Variants in AKAP17A observed in about 807,000 individuals in gnomAD.
The protein encoded by AKAP17A is A-kinase anchor protein 17A.
In AKAP17A, 15 loss-of-function variants were observed where a neutral mutation model predicts 52.2. The observed-to-expected ratio is 0.29, with a 90% CI of 0.19 to 0.44. The LOEUF is 0.44. Ranked by LOEUF, AKAP17A falls within the 20% of genes least tolerant of loss-of-function variation. The pLI is 1.00. For synonymous variants in AKAP17A, 514 were observed against 424.7 expected, an observed-to-expected ratio of 1.21 and a Z score of -2.58; for missense variants, 1,060 against 1,007.0, an observed-to-expected ratio of 1.05 and a Z score of -0.71.
Position 1,601,622 on chromosome X carries a change from T to C in AKAP17A, c.*28T>C. 7.2e-7 allele frequency: 1 copy of C among 1,397,882 alleles called. No homozygotes were observed. Among genetic ancestry groups the C allele is most frequent in the Non-Finnish European group, 9.2e-7 (1 of 1,083,132 alleles). The allele number at this position is 1,397,882 out of a possible 1,614,324, so 86.6% of individuals were successfully genotyped here. A position where few individuals can be genotyped will look rare whatever the true frequency, so the allele number is the denominator to read the frequency against. ...ACGGGCACGGCCTCCCCACGGCCTGTCCGGGAAAGACCAGGACCTGCTCGA... is the reference window on the plus strand; with the variant it reads ...ACGGGCACGGCCTCCCCACGGCCTGCCCGGGAAAGACCAGGACCTGCTCGA... On this transcript the variant is annotated 3_prime_UTR_variant, in exon 5 of 5. Coordinates refer to ENST00000313871, the MANE Select transcript of AKAP17A (RefSeq NM_005088.3).
At chrX:1,592,137 G>T (rs1236484999) in intron 1 of AKAP17A, among the ~76,000 whole-genome samples, 2 of 151,754 alleles carry the variant, frequency 1.3e-5, no homozygotes, top group Non-Finnish European at 2.9e-5. Flanking sequence ...GTGGCGCTGC[G>T]GTCGCTCCTA....
At chrX:1,598,172 C>T (rs1305945493) in intron 3 of AKAP17A, among the ~76,000 whole-genome samples, 4 of 152,118 alleles carry the variant, frequency 2.6e-5, no homozygotes, top group African/African-American at 2.4e-5. Flanking sequence ...CCCTGAGCCG[C>T]CCTCCGAGCT....
chrX:1,591,689 C>T lies in AKAP17A; in HGVS notation c.-100C>T, dbSNP rs2092753618. On this transcript the variant is annotated 5_prime_UTR_variant, in exon 1 of 5. Transcript: ENST00000313871. ...GCGGCTCCCGGCGGTGAGGCCGCGCCTGTCCGGGGATCGTCGAGGGACGGC... is the reference window on the plus strand; with the variant it reads ...GCGGCTCCCGGCGGTGAGGCCGCGCTTGTCCGGGGATCGTCGAGGGACGGC... 6.6e-6 allele frequency: 1 copy of T among 152,118 alleles called. No homozygotes were observed. Among genetic ancestry groups the T allele is most frequent in the African/African-American group, 2.4e-5 (1 of 41,364 alleles). The allele number at this position is 152,118 out of a possible 1,614,324, so 9.4% of individuals were successfully genotyped here.
Position 1,601,275 on chromosome X carries a change from C to A in AKAP17A, c.1769C>A (p.Ala590Asp). 1 of 1,612,378 alleles carries A rather than the reference C, an allele frequency of 6.2e-7. No individual in the cohort carries two copies. Among genetic ancestry groups the A allele is most frequent in the Non-Finnish European group, 8.5e-7 (1 of 1,179,340 alleles). ...NREPSKGRGR[A>D]TGDGLADRHK... ...GAGCCCAGCAAGGGCCGGGGCCGGG[C>A]CACCGGAGACGGGCTTGCTGACCGG... The change falls in exon 5 of 5, where the codon GCC (alanine) becomes GAC (aspartate). Residue 590 changes from alanine (A) to aspartate (D), a missense_variant. Transcript: ENST00000313871.
chrX:1,601,675 C>G lies in AKAP17A; in HGVS notation c.*81C>G. 2 of 1,291,086 alleles carry G rather than the reference C, an allele frequency of 1.5e-6. No homozygotes were observed. The highest frequency in any genetic ancestry group is 2.0e-6 in the Non-Finnish European group (2 of 1,001,292). The allele number at this position is 1,291,086 out of a possible 1,614,324, so 80.0% of individuals were successfully genotyped here. On this transcript the variant is annotated 3_prime_UTR_variant, in exon 5 of 5. Coordinates refer to ENST00000313871, the MANE Select transcript of AKAP17A (RefSeq NM_005088.3). Reference sequence around the variant, plus strand: ...CTCCTGGCCGCTCCTTGGCCGCTCTCCGTCCACCCCTGCAAAGCCAAGACC... The same window carrying G: ...CTCCTGGCCGCTCCTTGGCCGCTCTGCGTCCACCCCTGCAAAGCCAAGACC...
At chrX:1,598,143 C>T (rs1264275372) in intron 3 of AKAP17A, among the ~76,000 whole-genome samples, 2 of 152,206 alleles carry the variant, frequency 1.3e-5, no homozygotes, top group Non-Finnish European at 2.9e-5. Context: ...CGCCTAAGGG[C>T]GTGCTGTGTG....
Position 1,599,255 on chromosome X carries a change from G to A in AKAP17A, c.975G>A (p.Arg325=), listed in dbSNP as rs200899063. 70 of 1,612,712 alleles carry A rather than the reference G, an allele frequency of 4.3e-5. No homozygotes were observed. The East Asian group carries it at 1.5e-3, about 35-fold the overall frequency. ...ERKREEKLRK[R]EQKQRDRELR... ...AAAGAGAAGAGAAGCTTCGCAAGAG[G>A]GAGCAGAAGCAGAGGGACCGTGAGC... The change falls in exon 4 of 5, where the codon AGG becomes AGA. Residue 325 remains arginine (R), a synonymous_variant. Coordinates refer to ENST00000313871, the MANE Select transcript of AKAP17A (RefSeq NM_005088.3).
chrX:1,601,573 C>T lies in AKAP17A; in HGVS notation c.2067C>T (p.His689=). ...CGCGCTCCCGGTCCCCGAGCAGGCA[C>T]CGCAGTACCTGGAACAGGTAATGAC... is the stretch of plus-strand genomic sequence containing the variant. ...ERSRSRSPSR[H]RSTWNR is the part of the protein sequence containing the mutation. Residue 689 remains histidine, a synonymous_variant, in exon 5 of 5, where the codon CAC becomes CAT. Transcript: ENST00000313871. 6.9e-7 allele frequency: 1 copy of T among 1,454,306 alleles called. No individual in the cohort carries two copies. Among genetic ancestry groups the T allele is most frequent in the Non-Finnish European group, 9.0e-7 (1 of 1,111,798 alleles). The allele number at this position is 1,454,306 out of a possible 1,614,324, so 90.1% of individuals were successfully genotyped here.
chrX:1,594,722 G>A (rs1235149579), intron 2 of AKAP17A, among the ~76,000 whole-genome samples: 1 of 151,874 alleles, frequency 6.6e-6, no homozygotes, highest in East Asian at 1.9e-4. Flanking sequence ...GGGTTCGAGC[G>A]ATTCTTCTGC....
chrX:1,599,249 C>T lies in AKAP17A; in HGVS notation c.969C>T (p.Arg323=), dbSNP rs1359053656. Residue 323 remains arginine, a synonymous_variant, in exon 4 of 5, where the codon CGC becomes CGT. Coordinates refer to ENST00000313871, the MANE Select transcript of AKAP17A (RefSeq NM_005088.3). ...AGAGGAAAAGAGAAGAGAAGCTTCGCAAGAGGGAGCAGAAGCAGAGGGACC... is the reference window on the plus strand; with the variant it reads ...AGAGGAAAAGAGAAGAGAAGCTTCGTAAGAGGGAGCAGAAGCAGAGGGACC... The part of the protein sequence containing the change: ...ERERKREEKL[R]KREQKQRDRE... 2 of 1,612,650 alleles carry T rather than the reference C, an allele frequency of 1.2e-6. No homozygotes were observed. The highest frequency in any genetic ancestry group is 1.3e-5 in the African/African-American group (1 of 74,978).
Position 1,593,778 on chromosome X carries a change from T to C in AKAP17A, c.316T>C (p.Phe106Leu). 6.2e-7 allele frequency: 1 copy of C among 1,613,782 alleles called. No individual in the cohort carries two copies. Among genetic ancestry groups the C allele is most frequent in the Non-Finnish European group, 8.5e-7 (1 of 1,179,870 alleles). ...LDGKTIKLSG[F>L]SDILKVRAAE... ...CGGCAAGACCATCAAGCTCAGCGGC[T>C]TCTCCGACATCCTGAAGGTGCGCGC... Residue 106 changes from phenylalanine (F) to leucine (L), a missense_variant, in exon 2 of 5, where the codon TTC becomes CTC. Physicochemically the swap from Phe to Leu is conservative, Grantham distance 22 (BLOSUM62 0). Around this residue, in one of 2 missense-constraint regions of AKAP17A, gnomAD observed 267 missense variants for 377.1 expected, o/e 0.71. Transcript: ENST00000313871.
chrX:1,599,959 G>A (rs1236889501), intron 4 of AKAP17A: 28 of 473,134 alleles, frequency 5.9e-5, no homozygotes, highest in African/African-American at 5.3e-4. Context: ...TCAGCACCAA[G>A]AGCCTCCCTG....
chrX:1,600,507 G>C, intron 4 of AKAP17A, 152 bp from the exon 5 acceptor site: 1 of 811,234 alleles, frequency 1.2e-6, no homozygotes, highest in Non-Finnish European at 1.9e-6. Flanking sequence ...CTCGCCGTAG[G>C]AGACGCCCCC....
At chrX:1,593,338 C>G in intron 1 of AKAP17A, 106 bp from the exon 2 acceptor site, 2 of 1,095,302 alleles carry the variant, frequency 1.8e-6, no homozygotes, top group Middle Eastern at 3.1e-4. Flanking sequence ...AGAGACACTG[C>G]TGTTTCTCTT....
At position 1,601,895 on chromosome X, in the gene AKAP17A, G is replaced by A. The variant is rs1267777098; in HGVS notation, c.*301G>A. 1.7e-5 allele frequency: 6 copies of A among 348,546 alleles called. No individual in the cohort carries two copies. Among genetic ancestry groups the A allele is most frequent in the African/African-American group, 4.2e-5 (2 of 47,410 alleles). 21.6% of individuals were successfully genotyped at this position (348,546 alleles called of 1,614,324 possible). A position where few individuals can be genotyped will look rare whatever the true frequency, so the allele number is the denominator to read the frequency against. ...AGGAAAATTGCACAGACCGACAGTC[G>A]TGAGGATGGCAGAGCTGCTGCATTC... On this transcript the variant is annotated 3_prime_UTR_variant, in exon 5 of 5. Coordinates refer to ENST00000313871, the MANE Select transcript of AKAP17A (RefSeq NM_005088.3).
chrX:1,592,640 C>T (rs1301126000), intron 1 of AKAP17A, among the ~76,000 whole-genome samples: 2 of 152,132 alleles, frequency 1.3e-5, no homozygotes, highest in African/African-American at 4.8e-5. Context: ...TGGCAGGAAG[C>T]CTCCAGGTTG....
In AKAP17A at chrX:1,593,432, C is replaced by T. The variant is rs1215596016; in HGVS notation, c.-19-12C>T. The T allele has an allele frequency of 4.4e-6, 7 of 1,596,014 alleles. No homozygotes were observed. Among genetic ancestry groups the T allele is most frequent in the South Asian group, 3.4e-5 (3 of 88,972 alleles). ...GGGTGCTGGTGCTGACTGTCTGCGT[C>T]TTATGTTTCAGGCCCAAGGTCCCGG... On this transcript the variant is annotated splice_polypyrimidine_tract_variant and intron_variant, in intron 1 of 4. Transcript: ENST00000313871.
chrX:1,595,766 C>T (rs1208935379), intron 3 of AKAP17A, among the ~76,000 whole-genome samples: 1 of 150,888 alleles, frequency 6.6e-6, no homozygotes, highest in Non-Finnish European at 1.5e-5. Flanking sequence ...TGCACGTGTG[C>T]CTGTGTGTGC....
Position 1,599,300 on chromosome X carries a change from G to A in AKAP17A, c.1020G>A (p.Lys340=). 1 of 1,610,638 alleles carries A rather than the reference G, an allele frequency of 6.2e-7. No individual in the cohort carries two copies. The highest frequency in any genetic ancestry group is 2.2e-5 in the East Asian group (1 of 44,850). ...RDRELRRNQK[K]LEKLQAEEQK... is the part of the protein sequence containing the mutation. ...GTGAGCTGCGCCGGAATCAGAAGAA[G>A]CTGGAGAAGCTGCAGGCGGAGGAGC... The change falls in exon 4 of 5, where the codon AAG becomes AAA. Residue 340 remains lysine, a synonymous_variant. Transcript: ENST00000313871.
Sources: allele counts gnomAD v4.1 joint callset (sites outside exome capture counted in the v4.1 genomes callset), GRCh38; gene constraint gnomAD v4.1.1; regional missense constraint gnomAD v4.1.1; transcripts MANE v1.5; gene names NCBI Gene and HGNC (gene_info 2026-07-23, HGNC 2026-07-21).